Variants in PTPRA observed in about 807,000 individuals in gnomAD.
The protein encoded by PTPRA is protein tyrosine phosphatase receptor type A.
PTPRA carries 25 observed loss-of-function variants against 104.8 expected under a neutral mutation model. That is an observed-to-expected ratio of 0.24 (90% confidence interval 0.17 to 0.33). The LOEUF is 0.33. PTPRA is among the 10% of genes least tolerant of loss of function. The pLI is 1.00. For missense variants in PTPRA, 765 were observed against 1,015.3 expected (o/e 0.75, Z 3.35); for synonymous variants, 323 against 368.9 (o/e 0.88, Z 1.43).
At chr20:2,994,475 A>G (rs1308014168) in intron 9 of PTPRA, among the ~76,000 whole-genome samples, 1 of 152,198 alleles carries the variant, frequency 6.6e-6, no homozygotes, top group Non-Finnish European at 1.5e-5. Flanking sequence ...CAGGAATCCC[A>G]TTTTGAAATA....
intron 2 of PTPRA, among the ~76,000 whole-genome samples, chr20:2,934,587 AT>A (rs1402585419): frequency 1.3e-5 from 2 of 148,684 alleles, no homozygotes; most frequent in African/African-American, 2.5e-5. Context: ...AAAACATTTT[AT>A]TTTTTAATAA....
At chr20:2,955,921 T>C (rs2061520752) in intron 3 of PTPRA, among the ~76,000 whole-genome samples, 1 of 152,158 alleles carries the variant, frequency 6.6e-6, no homozygotes, top group South Asian at 2.1e-4. Flanking sequence ...ACATCTACTC[T>C]AATACCACAC....
intron 1 of PTPRA, among the ~76,000 whole-genome samples, chr20:2,893,218 A>G (rs1395807705): frequency 6.6e-6 from 1 of 152,202 alleles, no homozygotes; most frequent in African/African-American, 2.4e-5. Context: ...CCTGGTTTGT[A>G]GTAGGAATGA....
At chr20:2,922,163 G>A (rs1438982024) in intron 1 of PTPRA, among the ~76,000 whole-genome samples, 1 of 152,148 alleles carries the variant, frequency 6.6e-6, no homozygotes, top group East Asian at 1.9e-4. Context: ...AGGGAGGAGT[G>A]TTCTATACTA....
intron 5 of PTPRA, among the ~76,000 whole-genome samples, chr20:2,971,683 A>G (rs1408156254): frequency 1.3e-5 from 2 of 152,188 alleles, no homozygotes; most frequent in Non-Finnish European, 2.9e-5. Context: ...TTGAGTTGAG[A>G]TAAACATATT....
At chr20:3,027,322 G>A in intron 19 of PTPRA, 125 bp downstream of exon 19, 1 of 990,130 alleles carries the variant, frequency 1.0e-6, no homozygotes, top group South Asian at 1.5e-5. Flanking sequence ...ATAGTGAATT[G>A]ATACTCACCC....
intron 2 of PTPRA, among the ~76,000 whole-genome samples, chr20:2,941,021 T>C (rs13041297): frequency 1.3e-5 from 2 of 151,308 alleles, no homozygotes; most frequent in African/African-American, 4.8e-5. Flanking sequence ...GGTTTTTTTT[T>C]GGGGGTTTTT....
chr20:3,033,254 C>T (rs1449216199), intron 20 of PTPRA, among the ~76,000 whole-genome samples: 1 of 151,938 alleles, frequency 6.6e-6, no homozygotes, highest in Non-Finnish European at 1.5e-5. Flanking sequence ...CCAGTCCACC[C>T]CACTCTTAGC....
At chr20:2,872,864 T>C (rs149554591), upstream of PTPRA, among the ~76,000 whole-genome samples, 720 of 152,300 alleles carry the variant, frequency 4.7e-3, 8 homozygotes, top group African/African-American at 0.015. The surrounding 1 kb of genome is among the most constrained non-coding windows in gnomAD (Gnocchi z 7.9). Flanking sequence ...GTGTTGTGCT[T>C]CTACTCAGCT....
intron 9 of PTPRA, among the ~76,000 whole-genome samples, chr20:3,002,383 A>G (rs1175820903): frequency 1.4e-5 from 2 of 143,930 alleles, no homozygotes; most frequent in Middle Eastern, 3.5e-3. Flanking sequence ...CTGGAGTGCA[A>G]TGGCGCAGTC....
intron 2 of PTPRA, among the ~76,000 whole-genome samples, chr20:2,945,780 T>G (rs965826470): frequency 2.2e-4 from 34 of 151,850 alleles, no homozygotes; most frequent in African/African-American, 6.8e-4. Context: ...AATACAAAAA[T>G]TAGCCAGACG....
intron 13 of PTPRA, among the ~76,000 whole-genome samples, chr20:3,019,327 G>T (rs1201357933): frequency 6.6e-6 from 1 of 151,352 alleles, no homozygotes; most frequent in African/African-American, 2.4e-5. Flanking sequence ...CGGGGTGGCT[G>T]CTGGGCGGAG....
chr20:2,973,072 A>T (rs1174534733), intron 5 of PTPRA, among the ~76,000 whole-genome samples: 1 of 151,410 alleles, frequency 6.6e-6, no homozygotes, highest in East Asian at 1.9e-4. Context: ...CTCCCTTGTG[A>T]TTATTTATTA....
Position 3,007,346 on chromosome 20 carries a change from G to A in PTPRA, c.832G>A (p.Asp278Asn). ...KNRYVNILPYDHSRVHLTPVE... is the reference protein window; with the variant it reads ...KNRYVNILPYNHSRVHLTPVE... Reference sequence around the variant, plus strand: ...AATATTGTTGGTTTGTTTCCTAGATGACCACTCTAGAGTCCACCTGACACC... The same window carrying A: ...AATATTGTTGGTTTGTTTCCTAGATAACCACTCTAGAGTCCACCTGACACC... The change falls in exon 11 of 24, where the codon GAC becomes AAC. Residue 278 changes from aspartate to asparagine, a missense_variant and splice_region_variant. Coordinates refer to ENST00000399903, the MANE Select transcript of PTPRA (RefSeq NM_001385305.1). 6.2e-7 allele frequency: 1 copy of A among 1,613,338 alleles called. No homozygotes were observed. Among genetic ancestry groups the A allele is most frequent in the Non-Finnish European group, 8.5e-7 (1 of 1,179,430 alleles).
chr20:2,970,989 C>T (rs1453143002), intron 5 of PTPRA, among the ~76,000 whole-genome samples: 1 of 152,048 alleles, frequency 6.6e-6, no homozygotes, highest in Non-Finnish European at 1.5e-5. Flanking sequence ...ATTTATTTAC[C>T]TCTTCATATG....
intron 20 of PTPRA, among the ~76,000 whole-genome samples, chr20:3,033,181 C>G (rs550022937): frequency 1.3e-5 from 2 of 152,084 alleles, no homozygotes; most frequent in African/African-American, 4.8e-5. Flanking sequence ...CAATCTGCGT[C>G]TCTAGGCCAG....
At chr20:3,036,970 G>T (rs1461067449) in intron 22 of PTPRA, among the ~76,000 whole-genome samples, 184 bp from the exon 23 acceptor site, 1 of 152,156 alleles carries the variant, frequency 6.6e-6, no homozygotes, top group Non-Finnish European at 1.5e-5. Flanking sequence ...AGCACATGGG[G>T]CCATGCAGGA....
At chr20:2,910,151 C>A (rs1390795915) in intron 1 of PTPRA, among the ~76,000 whole-genome samples, 1 of 91,214 alleles carries the variant, frequency 1.1e-5, no homozygotes, top group African/African-American at 4.0e-5. Flanking sequence ...ATCATATATA[C>A]TATACGTCAT....
At chr20:2,877,202 A>G (rs1479187842) in intron 1 of PTPRA, among the ~76,000 whole-genome samples, 1 of 152,202 alleles carries the variant, frequency 6.6e-6, no homozygotes, top group Non-Finnish European at 1.5e-5. Flanking sequence ...TTTTACTTCC[A>G]GTGCAATAAT....
Sources: allele counts gnomAD v4.1 joint callset (sites outside exome capture counted in the v4.1 genomes callset), GRCh38; gene constraint gnomAD v4.1.1; non-coding constraint Gnocchi (gnomAD v3.1); transcripts MANE v1.5; gene names NCBI Gene and HGNC (gene_info 2026-07-23, HGNC 2026-07-21).